CCSER1: variants seen among roughly 807,000 people sequenced by gnomAD.
CCSER1 encodes the protein serine-rich coiled-coil domain-containing protein 1.
A neutral mutation model predicts 82.0 loss-of-function variants in CCSER1; 41 were observed. The observed-to-expected ratio is 0.50, with a 90% CI of 0.39 to 0.65. CCSER1 has a LOEUF of 0.65. Ranked by LOEUF, CCSER1 falls within the 30% of genes least tolerant of loss-of-function variation. The pLI, the probability that CCSER1 is intolerant of heterozygous loss-of-function variation, is 0.00. For missense variants in CCSER1, 1,119 were observed against 1,064.2 expected, an observed-to-expected ratio of 1.05 and a Z score of -0.72; for synonymous variants, 414 against 383.9, an observed-to-expected ratio of 1.08 and a Z score of -0.92.
intron 10 of CCSER1, among the ~76,000 whole-genome samples, chr4:91,383,132 T>G (rs1433819027): frequency 6.6e-6 from 1 of 152,276 alleles, no homozygotes; most frequent in Admixed American, 6.5e-5. Flanking sequence ...AAAAAAATTG[T>G]GTGATTCAGT....
chr4:90,160,339 G>A (rs781360340), intron 1 of CCSER1, among the ~76,000 whole-genome samples: 8 of 152,164 alleles, frequency 5.3e-5, no homozygotes, highest in Non-Finnish European at 7.4e-5. Context: ...TTGAAATCAC[G>A]TGTTTGGGCT....
intron 8 of CCSER1, among the ~76,000 whole-genome samples, chr4:90,887,257 C>A (rs2150097550): frequency 6.6e-6 from 1 of 152,148 alleles, no homozygotes; most frequent in Middle Eastern, 3.4e-3. Context: ...ACAAAACTCA[C>A]CTTTTCTATT....
At chr4:91,434,288 A>C (rs1754510156) in intron 10 of CCSER1, among the ~76,000 whole-genome samples, 1 of 151,996 alleles carries the variant, frequency 6.6e-6, no homozygotes, top group Non-Finnish European at 1.5e-5. Context: ...TATCTTGTGG[A>C]ATAGGTTATG....
At chr4:91,115,439 G>A (rs1726470950) in intron 10 of CCSER1, among the ~76,000 whole-genome samples, 1 of 151,970 alleles carries the variant, frequency 6.6e-6, no homozygotes, top group South Asian at 2.1e-4. Context: ...AGATTTTCCT[G>A]CCTCAGACTA....
chr4:90,904,347 T>G (rs1018749968), intron 8 of CCSER1, among the ~76,000 whole-genome samples: 4 of 152,174 alleles, frequency 2.6e-5, no homozygotes, highest in Admixed American at 6.6e-5. Flanking sequence ...TTTTCTTTCT[T>G]TTTCTTTGTA....
intron 6 of CCSER1, among the ~76,000 whole-genome samples, chr4:90,649,185 A>C (rs1728264354): frequency 2.0e-5 from 3 of 152,206 alleles, no homozygotes; most frequent in Non-Finnish European, 4.4e-5. Context: ...GACATATTAG[A>C]ATAAAGTTTA....
chr4:91,140,375 A>C (rs1412580212), intron 10 of CCSER1, among the ~76,000 whole-genome samples: 1 of 152,010 alleles, frequency 6.6e-6, no homozygotes, highest in African/African-American at 2.4e-5. Context: ...GCTTAATAAT[A>C]GTCCTTTAAA....
At chr4:90,612,791 C>T (rs558842636) in intron 5 of CCSER1, among the ~76,000 whole-genome samples, 38 of 152,166 alleles carry the variant, frequency 2.5e-4, no homozygotes, top group African/African-American at 3.9e-4. Context: ...TTGGATAATA[C>T]GTACTCTGTT....
At chr4:91,565,026 TTGTG>T (rs56723869) in intron 10 of CCSER1, among the ~76,000 whole-genome samples, 12,810 of 130,412 alleles carry the variant, frequency 0.098, 738 homozygotes, top group Admixed American at 0.18. Flanking sequence ...GCACCTTGAG[TTGTG>T]TGTGTGTGTG....
rs147732807 is a variant in CCSER1, at chr4:90,448,966, G to A, written c.1604-19268G>A. Among the ~76,000 whole-genome samples, 18 of 152,262 alleles carry A rather than the reference G, an allele frequency of 1.2e-4. No homozygotes were observed. The Middle Eastern group carries it at 0.01, about 86-fold the overall frequency. ...AACTGGAGGGTGGACAAGGCAAAGA[G>A]GTGCTTTATTGAGCTACATTACACC... On this transcript the variant is annotated intron_variant, in intron 4 of 10. Transcript: ENST00000509176.
chr4:91,082,560 G>A (rs540906208), intron 9 of CCSER1, among the ~76,000 whole-genome samples: 2 of 152,122 alleles, frequency 1.3e-5, no homozygotes, highest in Non-Finnish European at 2.9e-5. Context: ...ATTGACAAAT[G>A]GGATCTAATT....
intron 9 of CCSER1, among the ~76,000 whole-genome samples, chr4:90,997,341 TCTC>T (rs1666049576): frequency 6.6e-6 from 1 of 152,164 alleles, no homozygotes. Flanking sequence ...TGTTGTCACA[TCTC>T]CTCTGACTCT....
At chr4:91,401,806 ACATTTGGGTTGGTTCCAAGT>A (rs1484899292) in intron 10 of CCSER1, among the ~76,000 whole-genome samples, 2 of 152,134 alleles carry the variant, frequency 1.3e-5, no homozygotes, top group Non-Finnish European at 2.9e-5. Flanking sequence ...TCATTGATGG[ACATTTGGGTTGGTTCCAAGT>A]CTTTGCTATT....
At chr4:90,524,812 T>C (rs1161680404) in intron 5 of CCSER1, among the ~76,000 whole-genome samples, 1 of 152,088 alleles carries the variant, frequency 6.6e-6, no homozygotes, top group Non-Finnish European at 1.5e-5. Context: ...AATTCCTCAT[T>C]TGTCCTCGCA....
intron 5 of CCSER1, among the ~76,000 whole-genome samples, chr4:90,483,906 G>T (rs1238575193): frequency 3.3e-5 from 5 of 152,090 alleles, no homozygotes; most frequent in East Asian, 1.9e-4. Context: ...TTCACTGAAT[G>T]TGAATGTTGG....
chr4:90,293,509 G>A (rs975821402), intron 1 of CCSER1, among the ~76,000 whole-genome samples: 40 of 151,028 alleles, frequency 2.6e-4, no homozygotes, highest in African/African-American at 8.2e-4. Context: ...TAACTTTACC[G>A]TCAAAAAGGA....
intron 5 of CCSER1, among the ~76,000 whole-genome samples, chr4:90,573,685 G>A (rs1052581974): frequency 5.3e-5 from 8 of 152,082 alleles, no homozygotes; most frequent in East Asian, 1.9e-4. Context: ...AAAGTTGCTG[G>A]AGGGTCCTAC....
intron 10 of CCSER1, among the ~76,000 whole-genome samples, chr4:91,117,012 A>T (rs998934162): frequency 2.0e-5 from 3 of 152,172 alleles, no homozygotes; most frequent in African/African-American, 7.2e-5. Context: ...TGAGCCTCTC[A>T]ATGAATCATA....
chr4:91,366,268 G>A (rs184061911), intron 10 of CCSER1, among the ~76,000 whole-genome samples: 8 of 152,202 alleles, frequency 5.3e-5, no homozygotes, highest in South Asian at 4.2e-4. Context: ...TGGTCCATCC[G>A]CCTCGGCCTC....
Sources: allele counts gnomAD v4.1 joint callset (sites outside exome capture counted in the v4.1 genomes callset), GRCh38; gene constraint gnomAD v4.1.1; transcripts MANE v1.5; gene names NCBI Gene and HGNC (gene_info 2026-07-23, HGNC 2026-07-21).